The following AKAP7 variants were observed in gnomAD, a reference collection of about 807,000 sequenced individuals.
AKAP7 encodes A-kinase anchoring protein 7.
In AKAP7, 39 loss-of-function variants were observed where a neutral mutation model predicts 39.5. The observed-to-expected ratio is 0.99, with a 90% CI of 0.76 to 1.29. AKAP7 has a LOEUF of 1.29. AKAP7 is among the 50% of genes most tolerant of loss of function. The pLI, the probability that AKAP7 is intolerant of heterozygous loss-of-function variation, is 0.00. For missense variants in AKAP7, 414 were observed against 407.7 expected, an observed-to-expected ratio of 1.02 and a Z score of -0.13; for synonymous variants, 140 against 139.1, an observed-to-expected ratio of 1.01 and a Z score of -0.05.
In AKAP7 at chr6:131,167,520, A is replaced by G. The variant is rs145803333; in HGVS notation, c.429-1593A>G. Among the ~76,000 whole-genome samples, 15 of 152,336 alleles carry G rather than the reference A, an allele frequency of 9.8e-5. No individual in the cohort carries two copies. In the East Asian group the frequency reaches 1.7e-3, roughly 18 times the overall value. ...GTTCTGTTATCACATGCTTTAATTCATAGCACACAGTGAAGGAAAATACTG... is the reference window on the plus strand; with the variant it reads ...GTTCTGTTATCACATGCTTTAATTCGTAGCACACAGTGAAGGAAAATACTG... On this transcript the variant is annotated intron_variant, in intron 4 of 7. Transcript: ENST00000431975.
intron 5 of AKAP7, among the ~76,000 whole-genome samples, chr6:131,195,000 CTG>C (rs1806784667): frequency 6.6e-6 from 1 of 152,036 alleles, no homozygotes; most frequent in African/African-American, 2.4e-5. Flanking sequence ...TTGAGCCACT[CTG>C]TGTCTTTTTA....
rs375650041 is a variant in AKAP7, at chr6:131,275,045, A to G, written c.851-6485A>G. 2.4e-4 allele frequency among the ~76,000 whole-genome samples: 36 copies of G among 152,316 alleles called. No homozygotes were observed. The South Asian group carries it at 7.3e-3, about 31-fold the overall frequency. ...GCAATTAACTAGGTCATCCTCCTAGACTGACTTGTGTGTGGTCAGAGACTG... is the reference window on the plus strand; with the variant it reads ...GCAATTAACTAGGTCATCCTCCTAGGCTGACTTGTGTGTGGTCAGAGACTG... On this transcript the variant is annotated intron_variant, in intron 7 of 7. Coordinates refer to ENST00000431975, the MANE Select transcript of AKAP7 (RefSeq NM_016377.4).
At chr6:131,275,089 A>G (rs1327055192) in intron 7 of AKAP7, among the ~76,000 whole-genome samples, 1 of 152,314 alleles carries the variant, frequency 6.6e-6, no homozygotes, top group South Asian at 2.1e-4. Context: ...TCATTTTTAC[A>G]TACTTAGTAG....
Position 131,199,415 on chromosome 6 carries a change from G to A in AKAP7, c.590-46G>A, listed in dbSNP as rs752277424. Reference sequence around the variant, plus strand: ...TTTTTTTTTACAGTTAAAAAGAACTGAAAATACTGTAGTAGCATTTCTTTG... The same window carrying A: ...TTTTTTTTTACAGTTAAAAAGAACTAAAAATACTGTAGTAGCATTTCTTTG... On this transcript the variant is annotated intron_variant, in intron 5 of 7. Transcript: ENST00000431975. 3.8e-6 allele frequency: 5 copies of A among 1,301,090 alleles called. No homozygotes were observed. The South Asian group carries it at 3.9e-5, about 10-fold the overall frequency. The allele number at this position is 1,301,090 out of a possible 1,614,324, so 80.6% of individuals were successfully genotyped here.
At chr6:131,217,787 G>A (rs1278075889) in intron 6 of AKAP7, among the ~76,000 whole-genome samples, 1 of 152,078 alleles carries the variant, frequency 6.6e-6, no homozygotes, top group African/African-American at 2.4e-5. Flanking sequence ...GAAGATTATA[G>A]CAATAGTGGC....
At chr6:131,130,325 T>C in the AKAP7 span, among the ~76,000 whole-genome samples, 4 of 152,144 alleles carry the variant, frequency 2.6e-5, no homozygotes, top group Admixed American at 6.5e-5. Flanking sequence ...TTTTTTGAGA[T>C]GGAGTTTCAC....
At chr6:131,128,838 A>G in the AKAP7 span, among the ~76,000 whole-genome samples, 3 of 142,016 alleles carry the variant, frequency 2.1e-5, no homozygotes, top group African/African-American at 7.5e-5. Context: ...AAAAAAAAAA[A>G]GGAAATAATT....
At chr6:131,197,192 G>T (rs1807024805) in intron 5 of AKAP7, among the ~76,000 whole-genome samples, 1 of 151,934 alleles carries the variant, frequency 6.6e-6, no homozygotes, top group Non-Finnish European at 1.5e-5. Flanking sequence ...TATCTTCATG[G>T]TGGTCATATG....
At chr6:131,175,952 A>G (rs1359872971) in intron 5 of AKAP7, among the ~76,000 whole-genome samples, 1 of 152,126 alleles carries the variant, frequency 6.6e-6, no homozygotes, top group East Asian at 1.9e-4. Flanking sequence ...TTGGGTCATT[A>G]TTTTCTTATA....
chr6:131,223,316 C>T (rs1283328700), intron 7 of AKAP7, among the ~76,000 whole-genome samples: 1 of 152,112 alleles, frequency 6.6e-6, no homozygotes, highest in African/African-American at 2.4e-5. Context: ...GGAAGAACAC[C>T]TATGGATGTA....
intron 5 of AKAP7, among the ~76,000 whole-genome samples, chr6:131,197,800 G>A (rs1025242381): frequency 2.6e-5 from 4 of 152,154 alleles, no homozygotes; most frequent in Non-Finnish European, 4.4e-5. Flanking sequence ...TACGAAGTCC[G>A]GTGGAGTCAA....
intron 6 of AKAP7, among the ~76,000 whole-genome samples, chr6:131,214,602 A>T (rs1044385388): frequency 6.6e-6 from 1 of 152,112 alleles, no homozygotes; most frequent in African/African-American, 2.4e-5. Context: ...TATTTGGATA[A>T]TTTTTTCTAT....
At chr6:131,229,024 A>G (rs1810422271) in intron 7 of AKAP7, among the ~76,000 whole-genome samples, 1 of 152,180 alleles carries the variant, frequency 6.6e-6, no homozygotes, top group African/African-American at 2.4e-5. Context: ...TTTGCTGCAT[A>G]TTGAAGTAGG....
At chr6:131,229,342 CGTTTT>C (rs763045143) in intron 7 of AKAP7, among the ~76,000 whole-genome samples, 3 of 151,988 alleles carry the variant, frequency 2.0e-5, no homozygotes, top group Non-Finnish European at 2.9e-5. Flanking sequence ...TTTCCCAGTT[CGTTTT>C]GTTTTGTTTT....
chr6:131,239,736 G>A (rs1353088527), intron 7 of AKAP7, among the ~76,000 whole-genome samples: 5 of 152,134 alleles, frequency 3.3e-5, no homozygotes, highest in African/African-American at 7.2e-5. Context: ...CATAGTTCTC[G>A]TGTCTTGGTT....
At chr6:131,151,096 G>A (rs1053641156) in intron 2 of AKAP7, among the ~76,000 whole-genome samples, 1 of 152,002 alleles carries the variant, frequency 6.6e-6, no homozygotes, top group African/African-American at 2.4e-5. Flanking sequence ...AGGCTGGAGT[G>A]TAGTGGTGTG....
intron 7 of AKAP7, among the ~76,000 whole-genome samples, chr6:131,221,747 C>T (rs889297999): frequency 6.6e-6 from 1 of 152,126 alleles, no homozygotes; most frequent in Non-Finnish European, 1.5e-5. Flanking sequence ...AACAACGAAG[C>T]ATGGATGACA....
intron 7 of AKAP7, among the ~76,000 whole-genome samples, chr6:131,237,070 G>A (rs1335619466): frequency 6.6e-6 from 1 of 152,120 alleles, no homozygotes; most frequent in Non-Finnish European, 1.5e-5. Context: ...ATTATTTTGA[G>A]ATACGGCCCA....
intron 5 of AKAP7, among the ~76,000 whole-genome samples, chr6:131,187,558 A>G (rs933412395): frequency 5.3e-5 from 8 of 152,136 alleles, no homozygotes; most frequent in Admixed American, 3.3e-4. Flanking sequence ...CTATATCTCT[A>G]CTGTAGAAAC....
Sources: allele counts gnomAD v4.1 joint callset (sites outside exome capture counted in the v4.1 genomes callset), GRCh38; gene constraint gnomAD v4.1.1; transcripts MANE v1.5; gene names NCBI Gene and HGNC (gene_info 2026-07-23, HGNC 2026-07-21).